Variants in TAF3 observed in about 807,000 individuals in gnomAD.
TAF3 encodes transcription initiation factor TFIID subunit 3.
A neutral mutation model predicts 80.6 loss-of-function variants in TAF3; 7 were observed. The observed-to-expected ratio is 0.09, with a 90% confidence interval of 0.05 to 0.16. The LOEUF (loss-of-function observed/expected upper bound fraction) is 0.16. Ranked by LOEUF, TAF3 falls within the 10% of genes least tolerant of loss-of-function variation. TAF3 has a pLI of 1.00. For missense variants in TAF3, 921 were observed against 1,140.2 expected (o/e 0.81, Z 2.77); for synonymous variants, 444 against 446.1 (o/e 1.00, Z 0.06).
rs115280206 is a variant in TAF3 at position 7,911,252 on chromosome 10, C to G, written c.410-52668C>G. Among the ~76,000 whole-genome samples, 449 of 152,314 alleles carry G rather than the reference C, an allele frequency of 2.9e-3. 3 individuals are homozygous for G. Among genetic ancestry groups the G allele is most frequent in the African/African-American group, 9.8e-3 (407 of 41,572 alleles). ...GAGGAAGGGACTGAGTATTCAAACCCATGAGGCATTGTGATTATATTTAGT... is the reference window on the plus strand; with the variant it reads ...GAGGAAGGGACTGAGTATTCAAACCGATGAGGCATTGTGATTATATTTAGT... On this transcript the variant is annotated intron_variant, in intron 2 of 6. Coordinates refer to ENST00000344293, the MANE Select transcript of TAF3 (RefSeq NM_031923.4).
intron 3 of TAF3, among the ~76,000 whole-genome samples, chr10:7,967,016 C>G (rs1297752492): frequency 6.6e-6 from 1 of 152,128 alleles, no homozygotes; most frequent in Non-Finnish European, 1.5e-5. Flanking sequence ...TAAAGCAGAT[C>G]CATACACCTT....
intron 4 of TAF3, among the ~76,000 whole-genome samples, chr10:7,977,843 G>A (rs1393288705): frequency 6.6e-6 from 1 of 152,042 alleles, no homozygotes; most frequent in Non-Finnish European, 1.5e-5. Context: ...TTTTTTTTAA[G>A]GAAGCCCTAG....
chr10:7,827,678 G>T (rs565754717), intron 2 of TAF3, among the ~76,000 whole-genome samples: 2 of 152,038 alleles, frequency 1.3e-5, no homozygotes, highest in African/African-American at 4.8e-5. Flanking sequence ...TACTCGGGAG[G>T]CTGAGGCAGG....
chr10:7,837,729 T>C (rs780668229), intron 2 of TAF3, among the ~76,000 whole-genome samples: 1 of 151,826 alleles, frequency 6.6e-6, no homozygotes, highest in Non-Finnish European at 1.5e-5. Context: ...GAGGCTGAGG[T>C]AGGGGGATCA....
chr10:7,878,055 G>T (rs148801102), intron 2 of TAF3, among the ~76,000 whole-genome samples: 2 of 151,986 alleles, frequency 1.3e-5, no homozygotes, highest in Non-Finnish European at 2.9e-5. Context: ...TGCCTCTGGC[G>T]TGCAAAATAA....
intron 2 of TAF3, among the ~76,000 whole-genome samples, chr10:7,865,032 G>A (rs111862412): frequency 0.011 from 1,657 of 152,268 alleles, 20 homozygotes; most frequent in Middle Eastern, 0.031. Context: ...AAGCTTGGTA[G>A]AAATGCCGGT....
At chr10:8,000,635 C>G (rs553891871) in intron 4 of TAF3, among the ~76,000 whole-genome samples, 5 of 151,964 alleles carry the variant, frequency 3.3e-5, no homozygotes, top group Non-Finnish European at 5.9e-5. Context: ...AAAAATTAGC[C>G]AGGCATGGTG....
intron 2 of TAF3, among the ~76,000 whole-genome samples, chr10:7,854,139 C>T (rs558234196): frequency 6.6e-6 from 1 of 152,272 alleles, no homozygotes; most frequent in East Asian, 1.9e-4. Context: ...AATGATTCAA[C>T]CCCTTGAATG....
chr10:7,880,702 G>T (rs1469502125), intron 2 of TAF3, among the ~76,000 whole-genome samples: 2 of 151,732 alleles, frequency 1.3e-5, no homozygotes, highest in Non-Finnish European at 2.9e-5. Context: ...CATCTAGGTG[G>T]ATTTTTTTTT....
At chr10:7,829,580 G>T (rs913228587) in intron 2 of TAF3, among the ~76,000 whole-genome samples, 4 of 152,158 alleles carry the variant, frequency 2.6e-5, no homozygotes, top group African/African-American at 4.8e-5. Context: ...TTAGACTGGG[G>T]TTATGAGATC....
At chr10:7,943,115 T>G (rs1478675476) in intron 2 of TAF3, among the ~76,000 whole-genome samples, 1 of 152,082 alleles carries the variant, frequency 6.6e-6, no homozygotes, top group Non-Finnish European at 1.5e-5. Flanking sequence ...ATCAAAGGAG[T>G]CCAATCCTGT....
chr10:7,987,354 C>T (rs915005784), intron 4 of TAF3, among the ~76,000 whole-genome samples: 27 of 152,076 alleles, frequency 1.8e-4, no homozygotes, highest in African/African-American at 5.8e-4. Context: ...TTATCTTACA[C>T]ATACTGTTCA....
chr10:7,840,984 G>T (rs1396516710), intron 2 of TAF3, among the ~76,000 whole-genome samples: 1 of 151,926 alleles, frequency 6.6e-6, no homozygotes, highest in Non-Finnish European at 1.5e-5. Flanking sequence ...CAAGTAGCTG[G>T]GATTACAGGC....
At chr10:7,966,586 G>A (rs1264176670) in intron 3 of TAF3, among the ~76,000 whole-genome samples, 1 of 152,124 alleles carries the variant, frequency 6.6e-6, no homozygotes, top group Non-Finnish European at 1.5e-5. Context: ...TTCCGAAAAA[G>A]TATCTCTTCA....
chr10:7,957,673 C>T (rs191003620), intron 2 of TAF3, among the ~76,000 whole-genome samples: 1 of 151,846 alleles, frequency 6.6e-6, no homozygotes, highest in East Asian at 1.9e-4. Context: ...ACAGAAGAGT[C>T]CTTTTCTCCC....
intron 2 of TAF3, among the ~76,000 whole-genome samples, chr10:7,938,646 A>C (rs1374355616): frequency 1.3e-5 from 2 of 152,218 alleles, no homozygotes; most frequent in African/African-American, 4.8e-5. Flanking sequence ...TGAAATAGTC[A>C]AGCCAAGATG....
chr10:7,957,794 G>GCGCT (rs1554785384), intron 2 of TAF3, among the ~76,000 whole-genome samples: 46 of 130,730 alleles, frequency 3.5e-4, no homozygotes, highest in African/African-American at 1.1e-3. Flanking sequence ...TCTCTAGCGC[G>GCGCT]CTCTCTCTCT....
At chr10:7,933,197 T>C (rs2131198959) in intron 2 of TAF3, among the ~76,000 whole-genome samples, 1 of 152,358 alleles carries the variant, frequency 6.6e-6, no homozygotes, top group Middle Eastern at 3.4e-3. Context: ...AACATGTACA[T>C]AGAAATTCAC....
At chr10:7,948,060 C>A (rs1381873598) in intron 2 of TAF3, among the ~76,000 whole-genome samples, 1 of 146,638 alleles carries the variant, frequency 6.8e-6, no homozygotes, top group Admixed American at 6.8e-5. Flanking sequence ...TACTTTATGA[C>A]TCTGATTTTT....
Sources: allele counts gnomAD v4.1 joint callset (sites outside exome capture counted in the v4.1 genomes callset), GRCh38; gene constraint gnomAD v4.1.1; transcripts MANE v1.5; gene names NCBI Gene and HGNC (gene_info 2026-07-23, HGNC 2026-07-21).